The following PELP1 variants were observed in gnomAD, a reference collection of about 807,000 sequenced individuals.
PELP1 encodes proline, glutamate and leucine rich protein 1.
Under a neutral mutation model 95.5 loss-of-function variants are expected in PELP1, and 32 were observed. That is an observed-to-expected ratio of 0.34 (90% CI 0.25 to 0.45). The LOEUF is 0.45. Ranked by LOEUF, PELP1 falls within the 20% of genes least tolerant of loss-of-function variation. The pLI, the probability that PELP1 is intolerant of heterozygous loss-of-function variation, is 1.00. For missense variants in PELP1, 1,358 were observed against 1,444.8 expected (o/e 0.94, Z 0.97); for synonymous variants, 668 against 600.1 (o/e 1.11, Z -1.65).
chr17:4,691,531 T>C (rs959322215), intron 1 of PELP1, 89 bp from the exon 2 acceptor site: 22 of 1,056,724 alleles, frequency 2.1e-5, no homozygotes, highest in Admixed American at 1.9e-4. Flanking sequence ...CCAGCACCTA[T>C]GAAGCCTTTC....
intron 1 of PELP1, among the ~76,000 whole-genome samples, chr17:4,692,532 G>A (rs569719370): frequency 2.6e-5 from 4 of 152,046 alleles, no homozygotes; most frequent in East Asian, 1.9e-4. Context: ...TAGGTGCCAG[G>A]TACTTATTTT....
At position 4,671,243 on chromosome 17, in the gene PELP1, T is replaced by C. The variant is rs1008522351; in HGVS notation, c.*196A>G. The C allele has an allele frequency of 2.0e-5, 12 of 597,994 alleles. No homozygotes were observed. The highest frequency in any genetic ancestry group is 8.9e-5 in the Admixed American group (3 of 33,870). 37.0% of individuals were successfully genotyped at this position (597,994 alleles called of 1,614,324 possible). On this transcript the variant is annotated 3_prime_UTR_variant, in exon 17 of 17. Transcript: ENST00000572293. ...GTGATGGGACAGTCCATTACACCAA[T>C]GTCAGTTGTTCCTCTCTGGATCGTC...
rs761698628 is a variant in PELP1 at position 4,672,896 on chromosome 17, G to A, written c.2095C>T (p.Arg699Cys). The change falls in exon 16 of 17, where the codon CGC becomes TGC. Residue 699 changes from arginine to cysteine, a missense_variant. By Grantham distance (180) the Arg-to-Cys change is radical (BLOSUM62 -3). This residue lies in a region of PELP1 where 340 missense variants were observed against 322.9 expected (regional missense o/e 1.05). Transcript: ENST00000572293. ...MPSAGPVPSA[R>C]PGPPTTANHL... ...TTGGCTGTGGTGGGAGGTCCAGGGC[G>A]TGCCGAGGGCACAGGGCCTGCTGAG... 2.8e-5 allele frequency: 45 copies of A among 1,612,124 alleles called. No homozygotes were observed. Among genetic ancestry groups the A allele is most frequent in the African/African-American group, 1.9e-4 (14 of 74,802 alleles).
chr17:4,673,006 G>A lies in PELP1; in HGVS notation c.1985C>T (p.Ala662Val). 4 of 1,545,764 alleles carry A rather than the reference G, an allele frequency of 2.6e-6. No individual in the cohort carries two copies. The highest frequency in any genetic ancestry group is 3.5e-6 in the Non-Finnish European group (4 of 1,147,932). ...PPPEAPSPFR[A>V]PPFHPPGPMP... ...GGGGCCCGGAGGATGGAACGGTGGG[G>A]CCCTGAAGGGCGATGGGGCCTCAGG... is the stretch of plus-strand genomic sequence containing the variant. The change falls in exon 16 of 17, where the codon GCC (alanine) becomes GTC (valine). Residue 662 changes from alanine to valine, a missense_variant. Physicochemically the swap from Ala to Val is moderately conservative, Grantham distance 64. Around this residue, in one of 7 missense-constraint regions of PELP1, gnomAD observed 340 missense variants for 322.9 expected, o/e 1.05. Coordinates refer to ENST00000572293, the MANE Select transcript of PELP1 (RefSeq NM_014389.3). This position sits in a 1 kb window ranked among gnomAD's most constrained non-coding sequence, Gnocchi z 5.7.
chr17:4,674,940 C>A lies in PELP1; in HGVS notation c.1291G>T (p.Val431Leu). The A allele has an allele frequency of 5.0e-6, 8 of 1,612,654 alleles. No homozygotes were observed. The highest frequency in any genetic ancestry group is 6.8e-6 in the Non-Finnish European group (8 of 1,179,002). ...ACCCACAGCTCTAATATCGCATACA[C>A]CTTGGTCCGAACCGTGCTGTGTCAT... ...ERPYSTVRTK[V>L]YAILELWVQV... is the part of the protein sequence containing the mutation. The change falls in exon 12 of 17, where the codon GTG becomes TTG. Residue 431 changes from valine to leucine, a missense_variant. Val to Leu is a conservative substitution (Grantham distance 32, BLOSUM62 1). Transcript: ENST00000572293.
At position 4,672,561 on chromosome 17, in the gene PELP1, A is replaced by G. The variant is rs1365398463; in HGVS notation, c.2430T>C (p.Pro810=). The G allele has an allele frequency of 2.7e-6, 2 of 745,590 alleles. No homozygotes were observed. Among genetic ancestry groups the G allele is most frequent in the Admixed American group, 3.9e-5 (1 of 25,392 alleles). The allele number at this position is 745,590 out of a possible 1,614,324, so 46.2% of individuals were successfully genotyped here. ...PPPPSGATPP[P]IAPTGPPTAS... is the part of the protein sequence containing the mutation. Reference sequence around the variant, plus strand: ...CTGTTGGTGGCCCAGTGGGGGCTATAGGGGGTGGTGTGGCACCTGAGGGTG... The same window carrying G: ...CTGTTGGTGGCCCAGTGGGGGCTATGGGGGGTGGTGTGGCACCTGAGGGTG... The change falls in exon 16 of 17, where the codon CCT becomes CCC. Residue 810 remains proline (P), a synonymous_variant. Coordinates refer to ENST00000572293, the MANE Select transcript of PELP1 (RefSeq NM_014389.3).
At chr17:4,698,540 G>A (rs1913389752) in intron 1 of PELP1, among the ~76,000 whole-genome samples, 1 of 150,834 alleles carries the variant, frequency 6.6e-6, no homozygotes. Flanking sequence ...TACTTGGGAG[G>A]CTGAGGCAGG....
chr17:4,681,158 C>T (rs539177463), intron 5 of PELP1, among the ~76,000 whole-genome samples: 1 of 152,256 alleles, frequency 6.6e-6, no homozygotes, highest in South Asian at 2.1e-4. Context: ...TGTCAGAAAG[C>T]ATTCCCAGAG....
intron 1 of PELP1, among the ~76,000 whole-genome samples, chr17:4,697,194 C>G (rs967742928): frequency 6.6e-6 from 1 of 151,600 alleles, no homozygotes; most frequent in Admixed American, 6.6e-5. Flanking sequence ...AAAGGAGTAA[C>G]CAGTGTGATA....
chr17:4,696,065 C>G (rs1016878198), intron 1 of PELP1, among the ~76,000 whole-genome samples: 1 of 148,890 alleles, frequency 6.7e-6, no homozygotes, highest in Non-Finnish European at 1.5e-5. Flanking sequence ...GCAAGGGGCT[C>G]ATGACTGTAA....
In PELP1 at chr17:4,671,228, A is replaced by G. The variant is rs114959465; in HGVS notation, c.*211T>C. On this transcript the variant is annotated 3_prime_UTR_variant, in exon 17 of 17. Transcript: ENST00000572293. ...ACACCATCGTGCTGAGTGATGGGAC[A>G]GTCCATTACACCAATGTCAGTTGTT... The G allele has an allele frequency of 7.9e-4, 463 of 589,014 alleles. 3 individuals carry two copies. In the African/African-American group the frequency reaches 8.1e-3, roughly 10 times the overall value. The allele number at this position is 589,014 out of a possible 1,614,324, so 36.5% of individuals were successfully genotyped here.
intron 1 of PELP1, among the ~76,000 whole-genome samples, chr17:4,702,637 A>C (rs1395346597): frequency 6.6e-6 from 1 of 152,190 alleles, no homozygotes; most frequent in Non-Finnish European, 1.5e-5. Flanking sequence ...ACAAACAGAT[A>C]GGGTTATCTG....
At chr17:4,691,030 A>G in intron 2 of PELP1, 37 bp from the exon 3 acceptor site, 5 of 1,430,552 alleles carry the variant, frequency 3.5e-6, no homozygotes, top group Non-Finnish European at 4.9e-6. Flanking sequence ...AAGTGGGCGG[A>G]GGCTAGACTT....
rs1912399326 is a variant in PELP1 at position 4,675,009 on chromosome 17, G to T, written c.1275-53C>A. The T allele has an allele frequency of 1.9e-6, 3 of 1,605,556 alleles. No individual in the cohort carries two copies. The highest frequency in any genetic ancestry group is 2.6e-6 in the Non-Finnish European group (3 of 1,173,534). ...TGAATGGGGGGTCAACATGCCAGAA[G>T]CCCCAGCCCACCTGCACCCCCTCAC... On this transcript the variant is annotated intron_variant, in intron 11 of 16. Transcript: ENST00000572293. The surrounding 1 kb of genome is among the most constrained non-coding windows in gnomAD (Gnocchi z 4.3).
chr17:4,682,504 TGA>T lies in PELP1; in HGVS notation c.638_639del (p.Leu213GlnfsTer11). 1.2e-6 allele frequency: 2 copies of T among 1,604,700 alleles called. No individual in the cohort carries two copies. Among genetic ancestry groups the T allele is most frequent in the Non-Finnish European group, 1.7e-6 (2 of 1,171,404 alleles). ...MTYFPRACGS[L>X]KGKLASFFLS... ...GAGAAGAGTGCATAAATACTTACTT[TGA>T]GAGAACCACAAGCCCGAGGGAAATA... On this transcript the variant is annotated frameshift_variant, in exon 5 of 17. Transcript: ENST00000572293. LOFTEE classifies it high-confidence loss of function.
chr17:4,676,687 G>C, intron 6 of PELP1, 66 bp downstream of exon 6: 2 of 1,435,942 alleles, frequency 1.4e-6, no homozygotes, highest in Non-Finnish European at 1.9e-6. Context: ...AAAGCTAGAG[G>C]AGGAGCAGCA....
Position 4,682,818 on chromosome 17 carries a change from C to A in PELP1, c.555G>T (p.Leu185=), listed in dbSNP as rs1912740134. Residue 185 remains leucine (L), a synonymous_variant, in exon 4 of 17, where the codon CTG becomes CTT. Coordinates refer to ENST00000572293, the MANE Select transcript of PELP1 (RefSeq NM_014389.3). ...GACATCTCACCTCTGGCCTGAGGCC[C>A]AGCAGGGAGGTGAGAAGGCCAGGGA... ...NHLPGLLTSL[L]GLRPECEQSA... is the part of the protein sequence containing the mutation. The A allele has an allele frequency of 1.9e-6, 3 of 1,587,318 alleles. No homozygotes were observed. Among genetic ancestry groups the A allele is most frequent in the Non-Finnish European group, 2.6e-6 (3 of 1,168,606 alleles).
chr17:4,686,769 C>T (rs1474194278), intron 3 of PELP1, among the ~76,000 whole-genome samples: 2 of 152,120 alleles, frequency 1.3e-5, no homozygotes, highest in Admixed American at 6.6e-5. Flanking sequence ...CCGCCCACCT[C>T]GGCCTCCCAA....
At chr17:4,685,282 C>T (rs1454338840) in intron 3 of PELP1, among the ~76,000 whole-genome samples, 2 of 152,146 alleles carry the variant, frequency 1.3e-5, no homozygotes, top group African/African-American at 4.8e-5. Flanking sequence ...CCTCCCTCGT[C>T]CCTCAAGTAG....
Sources: allele counts gnomAD v4.1 joint callset (sites outside exome capture counted in the v4.1 genomes callset), GRCh38; gene constraint gnomAD v4.1.1; regional missense constraint gnomAD v4.1.1; non-coding constraint Gnocchi (gnomAD v3.1); transcripts MANE v1.5; gene names NCBI Gene and HGNC (gene_info 2026-07-23, HGNC 2026-07-21).